The following ROBO1 variants were observed in gnomAD, a reference collection of about 807,000 sequenced individuals.
ROBO1 encodes the protein roundabout guidance receptor 1.
Under a neutral mutation model 195.9 loss-of-function variants are expected in ROBO1, and 149 were observed. That is an observed-to-expected ratio of 0.76 (90% CI 0.67 to 0.87). The LOEUF is 0.87. Among genes scored for constraint, ROBO1 ranks in the 40% least tolerant of loss-of-function variants. ROBO1 has a pLI of 0.00. For missense variants in ROBO1, 1,933 were observed against 2,068.3 expected (o/e 0.93, Z 1.27); for synonymous variants, 816 against 733.2 (o/e 1.11, Z -1.82).
chr3:79,176,032 T>C (rs927694975), intron 2 of ROBO1, among the ~76,000 whole-genome samples: 1 of 152,168 alleles, frequency 6.6e-6, no homozygotes, highest in African/African-American at 2.4e-5. Flanking sequence ...CTGGCTACCC[T>C]GGGGGTGGGG....
intron 2 of ROBO1, among the ~76,000 whole-genome samples, chr3:79,213,709 ATCTTAACAT>A (rs1406333528): frequency 1.3e-5 from 2 of 151,960 alleles, no homozygotes; most frequent in Non-Finnish European, 2.9e-5. Context: ...AACAATTAGC[ATCTTAACAT>A]TCTCCCACCC....
chr3:79,420,695 G>C (rs2038188585), intron 2 of ROBO1, among the ~76,000 whole-genome samples: 1 of 152,040 alleles, frequency 6.6e-6, no homozygotes, highest in Admixed American at 6.6e-5. Context: ...TGACCCTTGA[G>C]GTTGGATCTT....
At chr3:79,676,307 T>C (rs557589784) in intron 1 of ROBO1, among the ~76,000 whole-genome samples, 1 of 152,178 alleles carries the variant, frequency 6.6e-6, no homozygotes, top group East Asian at 1.9e-4. Flanking sequence ...GTATTATCTG[T>C]CGCTATGTGC....
chr3:79,607,981 G>C (rs907633960), intron 1 of ROBO1, among the ~76,000 whole-genome samples: 3 of 151,922 alleles, frequency 2.0e-5, no homozygotes, highest in African/African-American at 7.2e-5. Context: ...GCTAAATCAC[G>C]TTTATGCTGT....
intron 1 of ROBO1, among the ~76,000 whole-genome samples, chr3:79,690,467 A>G (rs1419693044): frequency 6.6e-6 from 1 of 151,852 alleles, no homozygotes; most frequent in African/African-American, 2.4e-5. Flanking sequence ...CAAAATACCA[A>G]AATCCAAACC....
chr3:78,693,160 C>A, intron 8 of ROBO1: 3 of 652,204 alleles, frequency 4.6e-6, no homozygotes, highest in Non-Finnish European at 7.6e-6. Context: ...GTTACCTTTA[C>A]TCTTTTCACA....
chr3:78,786,317 T>C (rs2083832836), intron 4 of ROBO1, among the ~76,000 whole-genome samples: 1 of 152,196 alleles, frequency 6.6e-6, no homozygotes, highest in African/African-American at 2.4e-5. Context: ...AATACATTTA[T>C]GGAAAAGTGC....
intron 1 of ROBO1, among the ~76,000 whole-genome samples, chr3:79,718,378 C>G (rs1001197177): frequency 2.6e-5 from 4 of 151,886 alleles, no homozygotes; most frequent in African/African-American, 9.7e-5. Context: ...TGAAATGTAT[C>G]TAGCTTTATG....
chr3:79,560,148 G>A (rs1393691865), intron 2 of ROBO1, among the ~76,000 whole-genome samples: 2 of 151,712 alleles, frequency 1.3e-5, no homozygotes, highest in Admixed American at 1.3e-4. Flanking sequence ...TGAATGTCAG[G>A]ACCCATTAGA....
intron 4 of ROBO1, among the ~76,000 whole-genome samples, chr3:78,880,318 C>T (rs2036107082): frequency 6.6e-6 from 1 of 152,086 alleles, no homozygotes; most frequent in Non-Finnish European, 1.5e-5. Flanking sequence ...GTCCACAAAA[C>T]AAGAGCAGTG....
At chr3:78,759,763 G>C (rs958975484) in intron 4 of ROBO1, among the ~76,000 whole-genome samples, 1 of 151,946 alleles carries the variant, frequency 6.6e-6, no homozygotes, top group African/African-American at 2.4e-5. Flanking sequence ...TTCTATTTTT[G>C]CTGCCCCAGA....
intron 4 of ROBO1, among the ~76,000 whole-genome samples, chr3:78,778,713 C>T (rs917420971): frequency 6.6e-5 from 10 of 152,124 alleles, no homozygotes; most frequent in Admixed American, 2.6e-4. Flanking sequence ...ATAGATTCAA[C>T]GGTATTCCCA....
intron 4 of ROBO1, among the ~76,000 whole-genome samples, chr3:78,843,772 G>A (rs1324801733): frequency 1.3e-5 from 2 of 151,964 alleles, no homozygotes; most frequent in Non-Finnish European, 2.9e-5. Context: ...CTCTTTGCAG[G>A]CAATAAAATA....
intron 1 of ROBO1, among the ~76,000 whole-genome samples, chr3:79,733,276 T>C (rs1703232842): frequency 6.6e-6 from 1 of 152,220 alleles, no homozygotes; most frequent in East Asian, 1.9e-4. Context: ...CCATTAACCA[T>C]ACAGTTAGAA....
Position 79,538,289 on chromosome 3 carries a change from A to G in ROBO1, c.88+51535T>C, listed in dbSNP as rs866604505. 4.6e-5 allele frequency among the ~76,000 whole-genome samples: 7 copies of G among 152,320 alleles called. 1 individual carries two copies. The highest frequency in any genetic ancestry group is 6.8e-3 in the Middle Eastern group (2 of 294). On this transcript the variant is annotated intron_variant, in intron 2 of 30. Transcript: ENST00000464233. ...AGTAGCACAATGACCAATATTGTAT[A>G]GTTCATTTTCCAAGAGATACCCTTC...
intron 1 of ROBO1, among the ~76,000 whole-genome samples, chr3:79,704,750 A>G (rs1050340265): frequency 2.8e-4 from 42 of 152,150 alleles, no homozygotes; most frequent in African/African-American, 9.6e-4. Flanking sequence ...TTACTTTTGT[A>G]AGATATCACC....
chr3:79,492,350 G>A (rs188291193), intron 2 of ROBO1, among the ~76,000 whole-genome samples: 157 of 150,678 alleles, frequency 1.0e-3, no homozygotes, highest in African/African-American at 3.7e-3. Context: ...GCTTGAACCC[G>A]GGAGGCAGAG....
At chr3:79,696,489 TAC>T (rs1337539790) in intron 1 of ROBO1, among the ~76,000 whole-genome samples, 1 of 150,106 alleles carries the variant, frequency 6.7e-6, no homozygotes, top group African/African-American at 2.4e-5. Flanking sequence ...CAGGTATATA[TAC>T]AGATATATAT....
At chr3:78,656,345 A>ATTTT (rs5850382) in intron 18 of ROBO1, among the ~76,000 whole-genome samples, 66 of 88,546 alleles carry the variant, frequency 7.5e-4, no homozygotes, top group East Asian at 1.7e-3. Context: ...TGCTTATTTG[A>ATTTT]TTTTTTTTTT....
Sources: gnomAD v4.1 joint callset for allele counts (sites outside exome capture counted in the v4.1 genomes callset) on GRCh38, gnomAD v4.1.1 for gene constraint, MANE v1.5 for transcripts, NCBI Gene and HGNC (gene_info 2026-07-23, HGNC 2026-07-21) for gene names.